GAN: variants seen among roughly 807,000 people sequenced by gnomAD.
The protein encoded by GAN is gigaxonin.
In GAN, 48 loss-of-function variants were observed where a neutral mutation model predicts 71.3. That is an observed-to-expected ratio of 0.67 (90% CI 0.53 to 0.86). The LOEUF (loss-of-function observed/expected upper bound fraction) is 0.86. Among genes scored for constraint, GAN ranks in the 40% least tolerant of loss-of-function variants. The probability of loss-of-function intolerance (pLI) is 0.00; values close to 1 mark genes in which losing one functional copy is unlikely to be tolerated. For missense variants in GAN, 928 were observed against 770.1 expected (o/e 1.21, Z -2.43); for synonymous variants, 386 against 276.8 (o/e 1.39, Z -3.92).
At chr16:81,348,448 T>A (rs142520415) in intron 1 of GAN, among the ~76,000 whole-genome samples, 2,938 of 152,306 alleles carry the variant, frequency 0.019, 32 homozygotes, top group Non-Finnish European at 0.031. Flanking sequence ...TTGTTAAATA[T>A]CTAATGAGTC....
intron 7 of GAN, 27 bp downstream of exon 7, chr16:81,363,970 G>T (rs1910764538): frequency 4.5e-6 from 7 of 1,573,012 alleles, no homozygotes; most frequent in Non-Finnish European, 6.1e-6. Flanking sequence ...GTGATAACTA[G>T]TCTGTGTACA....
chr16:81,328,775 G>T (rs1350737890), intron 1 of GAN, among the ~76,000 whole-genome samples: 1 of 151,758 alleles, frequency 6.6e-6, no homozygotes, highest in African/African-American at 2.4e-5. Context: ...AAAGTGTTGT[G>T]TGTTTGCTAT....
intron 1 of GAN, among the ~76,000 whole-genome samples, chr16:81,334,283 G>C (rs7194094): frequency 0.41 from 62,297 of 152,008 alleles, 13,561 homozygotes; most frequent in Middle Eastern, 0.51. Flanking sequence ...GTCGGGGAAG[G>C]ATAGGACTGT....
chr16:81,343,763 G>A (rs1910024761), intron 1 of GAN, among the ~76,000 whole-genome samples: 1 of 152,188 alleles, frequency 6.6e-6, no homozygotes, highest in South Asian at 2.1e-4. Context: ...GGAAGTTCCG[G>A]CCAGAGCAAT....
rs1307332791 is a variant in GAN, at chr16:81,380,852, G to T, written c.*3256G>T. 2 of 152,192 alleles carry T rather than the reference G, an allele frequency of 1.3e-5. No homozygotes were observed. Among genetic ancestry groups the T allele is most frequent in the African/African-American group, 4.8e-5 (2 of 41,448 alleles). The allele number at this position is 152,192 out of a possible 1,614,324, so 9.4% of individuals were successfully genotyped here. A position where few individuals can be genotyped will look rare whatever the true frequency, so the allele number is the denominator to read the frequency against. On this transcript the variant is annotated 3_prime_UTR_variant, in exon 11 of 11. Coordinates refer to ENST00000648994, the MANE Select transcript of GAN (RefSeq NM_022041.4). ...GGTATACTGTCAGGATTTGGCCTAAGAAATTTCTGAATGCATTGTTTAGCT... is the reference window on the plus strand; with the variant it reads ...GGTATACTGTCAGGATTTGGCCTAATAAATTTCTGAATGCATTGTTTAGCT...
At chr16:81,359,999 C>CT (rs150221015) in intron 5 of GAN, among the ~76,000 whole-genome samples, 3,369 of 151,320 alleles carry the variant, frequency 0.022, 65 homozygotes, top group East Asian at 0.083. Context: ...CACAATATGT[C>CT]TTTTTTTGAT....
At chr16:81,327,869 A>T (rs1343278837) in intron 1 of GAN, among the ~76,000 whole-genome samples, 4 of 152,226 alleles carry the variant, frequency 2.6e-5, no homozygotes, top group Non-Finnish European at 4.4e-5. Context: ...AGAGCCTTTT[A>T]ATAGCCTCCG....
chr16:81,359,683 A>G (rs367692206), intron 5 of GAN, among the ~76,000 whole-genome samples: 81 of 152,248 alleles, frequency 5.3e-4, no homozygotes, highest in African/African-American at 1.9e-3. Context: ...CCCCTTATCA[A>G]TGAGGGATGC....
intron 3 of GAN, among the ~76,000 whole-genome samples, chr16:81,355,453 C>T (rs961038651): frequency 6.6e-6 from 1 of 152,152 alleles, no homozygotes; most frequent in Admixed American, 6.5e-5. Flanking sequence ...CAGTCCCAAC[C>T]TTCCTGGCTG....
chr16:81,347,302 A>C (rs1026080786), intron 1 of GAN, among the ~76,000 whole-genome samples: 3 of 152,184 alleles, frequency 2.0e-5, no homozygotes, highest in Non-Finnish European at 4.4e-5. Flanking sequence ...TACAGGGAGG[A>C]AAGAAAGTTG....
rs540455173 is a variant in GAN at position 81,378,662 on chromosome 16, T to C, written c.*1066T>C. The C allele has an allele frequency of 7.6e-4, 116 of 152,784 alleles. No homozygotes were observed. Among genetic ancestry groups the C allele is most frequent in the African/African-American group, 2.6e-3 (110 of 41,586 alleles). 9.5% of individuals were successfully genotyped at this position (152,784 alleles called of 1,614,324 possible). On this transcript the variant is annotated 3_prime_UTR_variant, in exon 11 of 11. Coordinates refer to ENST00000648994, the MANE Select transcript of GAN (RefSeq NM_022041.4). The stretch of plus-strand genomic sequence containing the variant: ...AAGAATCTAGTCTTTGTAATAGAAG[T>C]TTCCCAGTGGCATTCACTAGTGAGA...
At chr16:81,367,542 G>T (rs757329095) in intron 9 of GAN, among the ~76,000 whole-genome samples, 49 of 152,028 alleles carry the variant, frequency 3.2e-4, no homozygotes, top group African/African-American at 9.7e-5. Context: ...ATAAATAAGA[G>T]CACTTCCAAA....
At position 81,363,917 on chromosome 16, in the gene GAN, C is replaced by G. The variant is rs1190709905; in HGVS notation, c.1210C>G (p.Gln404Glu). Residue 404 changes from glutamine (Q) to glutamate (E), a missense_variant, in exon 7 of 11, where the codon CAA becomes GAA. Coordinates refer to ENST00000648994, the MANE Select transcript of GAN (RefSeq NM_022041.4). ...YDIYSKTWTK[Q>E]PDLTMVRKIG... is the part of the protein sequence containing the mutation. ...TATTTATTCTAAAACCTGGACAAAG[C>G]AACCTGATTTGACCATGGTCAGAAA... 1.9e-6 allele frequency: 3 copies of G among 1,613,394 alleles called. No homozygotes were observed. Among genetic ancestry groups the G allele is most frequent in the Non-Finnish European group, 2.5e-6 (3 of 1,179,296 alleles).
chr16:81,374,903 C>T (rs1479874345), intron 9 of GAN, among the ~76,000 whole-genome samples: 2 of 152,172 alleles, frequency 1.3e-5, no homozygotes, highest in Non-Finnish European at 2.9e-5. Flanking sequence ...GGTGCTGGAA[C>T]AGCTAGCTAT....
chr16:81,323,152 C>A (rs1909272996), intron 1 of GAN, among the ~76,000 whole-genome samples: 1 of 152,194 alleles, frequency 6.6e-6, no homozygotes, highest in Non-Finnish European at 1.5e-5. Flanking sequence ...CTCTTCCTTA[C>A]ATGAAAGTTG....
At chr16:81,346,744 G>C (rs1039890320) in intron 1 of GAN, among the ~76,000 whole-genome samples, 13 of 152,124 alleles carry the variant, frequency 8.5e-5, no homozygotes, top group African/African-American at 2.4e-4. Context: ...AGGAGGCTCT[G>C]GGGAAAACTT....
intron 9 of GAN, among the ~76,000 whole-genome samples, chr16:81,369,707 T>C (rs1910974729): frequency 6.6e-6 from 1 of 152,202 alleles, no homozygotes; most frequent in African/African-American, 2.4e-5. Context: ...TTCTCCTGCC[T>C]CAGCCTCCTG....
At chr16:81,367,232 A>T (rs1326309896) in intron 9 of GAN, among the ~76,000 whole-genome samples, 1 of 152,170 alleles carries the variant, frequency 6.6e-6, no homozygotes, top group African/African-American at 2.4e-5. Context: ...GCTGTTTAAA[A>T]GCACTTCTCG....
rs555329344 is a variant in GAN, at chr16:81,381,838, A to C, written c.*4242A>C. On this transcript the variant is annotated 3_prime_UTR_variant, in exon 11 of 11. Transcript: ENST00000648994. ...TGATTTTACTGGGTTTTCAGTGAGA[A>C]ACTTTGTACCCATATGGGCTGGCCT... 1 of 152,218 alleles carries C rather than the reference A, an allele frequency of 6.6e-6. No homozygotes were observed. The highest frequency in any genetic ancestry group is 6.5e-5 in the Admixed American group (1 of 15,288). The allele number at this position is 152,218 out of a possible 1,614,324, so 9.4% of individuals were successfully genotyped here.
Sources: allele counts gnomAD v4.1 joint callset (sites outside exome capture counted in the v4.1 genomes callset), GRCh38; gene constraint gnomAD v4.1.1; transcripts MANE v1.5; gene names NCBI Gene and HGNC (gene_info 2026-07-23, HGNC 2026-07-21).